Variants in LARP4 observed in about 807,000 individuals in gnomAD.
The protein encoded by LARP4 is La ribonucleoprotein 4.
LARP4 carries 29 observed loss-of-function variants against 92.9 expected under a neutral mutation model. The ratio of observed to expected loss-of-function variants is 0.31; its 90% CI spans 0.23 to 0.43. The LOEUF (loss-of-function observed/expected upper bound fraction) is 0.43. Among genes scored for constraint, LARP4 ranks in the 20% least tolerant of loss-of-function variants. The probability of loss-of-function intolerance (pLI) is 1.00; values close to 1 mark genes in which losing one functional copy is unlikely to be tolerated. For synonymous variants in LARP4, 279 were observed against 284.1 expected (o/e 0.98, Z 0.18); for missense variants, 732 against 860.0 (o/e 0.85, Z 1.86).
intron 1 of LARP4, among the ~76,000 whole-genome samples, chr12:50,408,746 G>A (rs368265891): frequency 6.6e-6 from 1 of 152,164 alleles, no homozygotes; most frequent in South Asian, 2.1e-4. Flanking sequence ...ATTTTCAGAA[G>A]AGATTAGAGG....
chr12:50,461,027 T>G (rs1027509386), intron 10 of LARP4, 108 bp from the exon 11 acceptor site: 8 of 783,398 alleles, frequency 1.0e-5, no homozygotes, highest in Non-Finnish European at 1.7e-5. Flanking sequence ...GTGTTTAACT[T>G]AATTTTTTGA....
At chr12:50,460,954 G>A (rs1593352693) in intron 10 of LARP4, among the ~76,000 whole-genome samples, 181 bp from the exon 11 acceptor site, 2 of 152,162 alleles carry the variant, frequency 1.3e-5, no homozygotes, top group South Asian at 2.1e-4. Flanking sequence ...AAAAGTTTAC[G>A]TCACTTTTTA....
chr12:50,441,359 A>G, intron 7 of LARP4: 1 of 356,368 alleles, frequency 2.8e-6, no homozygotes, highest in Non-Finnish European at 5.2e-6. Flanking sequence ...TCTGTTTTCA[A>G]TCCTAATGCA....
At position 50,462,600 on chromosome 12, in the gene LARP4, T is replaced by A. The variant is rs1593371812; in HGVS notation, c.1353T>A (p.Gly451=). The part of the protein sequence containing the change: ...YGRGRRTLFR[G]RRRREDDRIS... ...TTAAAAGGAGAACTCTCTTCAGAGG[T>A]CGAAGACGACGAGAAGATGACAGGA... The change falls in exon 12 of 16, where the codon GGT becomes GGA. Residue 451 remains glycine (G), a synonymous_variant. Coordinates refer to ENST00000398473, the MANE Select transcript of LARP4 (RefSeq NM_052879.5). The A allele has an allele frequency of 7.0e-7, 1 of 1,421,364 alleles. No individual in the cohort carries two copies. The highest frequency in any genetic ancestry group is 1.7e-5 in the African/African-American group (1 of 58,624). The allele number at this position is 1,421,364 out of a possible 1,614,324, so 88.0% of individuals were successfully genotyped here.
rs748044294 is a variant in LARP4, at chr12:50,430,608, A to T, written c.398+38A>T. ...CCCCTTTATTGAATTTTATTAGTAG[A>T]TGTAAAATACGTGTGAAATAGAGCG... On this transcript the variant is annotated intron_variant, in intron 4 of 15. Transcript: ENST00000398473. 9 of 1,234,702 alleles carry T rather than the reference A, an allele frequency of 7.3e-6. 1 individual carries two copies. In the African/African-American group the frequency reaches 7.5e-5, roughly 10 times the overall value. The allele number at this position is 1,234,702 out of a possible 1,614,324, so 76.5% of individuals were successfully genotyped here.
intron 3 of LARP4, among the ~76,000 whole-genome samples, chr12:50,430,152 G>A (rs111482974): frequency 0.075 from 1,964 of 26,164 alleles, 45 homozygotes; most frequent in South Asian, 0.098. Context: ...GAGCCCAGGA[G>A]TTTGAGAACA....
intron 10 of LARP4, among the ~76,000 whole-genome samples, chr12:50,457,137 C>T (rs781284955): frequency 2.0e-5 from 3 of 150,530 alleles, no homozygotes; most frequent in East Asian, 2.0e-4. Context: ...CTCTTGACCT[C>T]GTGATCCACC....
intron 1 of LARP4, among the ~76,000 whole-genome samples, chr12:50,411,079 AT>A (rs1455635779): frequency 6.6e-6 from 1 of 152,114 alleles, no homozygotes; most frequent in Non-Finnish European, 1.5e-5. Flanking sequence ...TCAAAGTGTT[AT>A]CCGTAGATAG....
chr12:50,422,612 CTTTA>C (rs936398848), intron 1 of LARP4, among the ~76,000 whole-genome samples: 7 of 151,580 alleles, frequency 4.6e-5, no homozygotes, highest in Admixed American at 2.0e-4. Flanking sequence ...CTGTGTAATA[CTTTA>C]TTTAGTAAGT....
At chr12:50,440,173 G>A (rs909256290) in intron 6 of LARP4, among the ~76,000 whole-genome samples, 8 of 151,620 alleles carry the variant, frequency 5.3e-5, no homozygotes, top group South Asian at 2.1e-4. Context: ...GGAGTGGCTC[G>A]TGCCTGTAAT....
chr12:50,460,848 CAGG>C (rs1253035829), intron 10 of LARP4, among the ~76,000 whole-genome samples: 2 of 152,094 alleles, frequency 1.3e-5, no homozygotes, highest in African/African-American at 4.8e-5. Context: ...GAGGCTGAGG[CAGG>C]AGAATGGCGT....
chr12:50,423,507 G>A (rs1158454526), intron 1 of LARP4, among the ~76,000 whole-genome samples: 1 of 152,104 alleles, frequency 6.6e-6, no homozygotes, highest in Non-Finnish European at 1.5e-5. Flanking sequence ...GGAGTGCAGT[G>A]GCGTAATCTC....
intron 4 of LARP4, among the ~76,000 whole-genome samples, 172 bp from the exon 5 acceptor site, chr12:50,435,315 CT>C (rs1224561025): frequency 6.6e-6 from 1 of 152,150 alleles, no homozygotes; most frequent in Non-Finnish European, 1.5e-5. Flanking sequence ...ACATTAGTAT[CT>C]TTTGAATTGA....
chr12:50,427,708 T>C, intron 1 of LARP4, 54 bp from the exon 2 acceptor site: 6 of 1,234,676 alleles, frequency 4.9e-6, no homozygotes, highest in Non-Finnish European at 6.6e-6. Flanking sequence ...TCTGAATCTG[T>C]AATTTTCATG....
At chr12:50,448,263 C>T (rs949574675) in intron 8 of LARP4, among the ~76,000 whole-genome samples, 1 of 152,114 alleles carries the variant, frequency 6.6e-6, no homozygotes. Context: ...CCCATCTTAA[C>T]TGTTCTTAAG....
rs564253943 is a variant in LARP4, at chr12:50,455,839, G to T, written c.1121+1422G>T. Among the ~76,000 whole-genome samples the T allele has an allele frequency of 7.9e-5, 12 of 152,226 alleles. 1 individual carries two copies. The highest frequency in any genetic ancestry group is 7.9e-4 in the Admixed American group (12 of 15,278). On this transcript the variant is annotated intron_variant, in intron 10 of 15. Coordinates refer to ENST00000398473, the MANE Select transcript of LARP4 (RefSeq NM_052879.5). Reference sequence around the variant, plus strand: ...AGGTGGGTGGATCATCTGAGCTCAGGAGTTCAAGAGCAGCCTGGGCAATAT... The same window carrying T: ...AGGTGGGTGGATCATCTGAGCTCAGTAGTTCAAGAGCAGCCTGGGCAATAT...
chr12:50,438,104 C>T (rs1950690848), intron 6 of LARP4, among the ~76,000 whole-genome samples: 1 of 152,114 alleles, frequency 6.6e-6, no homozygotes, highest in Admixed American at 6.6e-5. Context: ...TCTGAATTTA[C>T]TAGATTGATT....
chr12:50,419,360 G>A (rs1947359877), intron 1 of LARP4, among the ~76,000 whole-genome samples: 1 of 152,036 alleles, frequency 6.6e-6, no homozygotes, highest in South Asian at 2.1e-4. Flanking sequence ...GTGAGACCCT[G>A]TCTCAAAACA....
intron 10 of LARP4, among the ~76,000 whole-genome samples, chr12:50,456,080 C>T (rs1226229665): frequency 1.3e-5 from 2 of 152,016 alleles, no homozygotes; most frequent in South Asian, 2.1e-4. Context: ...CACCCCTCCC[C>T]GCTCCCCCCT....
Sources: gnomAD v4.1 joint callset for allele counts (sites outside exome capture counted in the v4.1 genomes callset) on GRCh38, gnomAD v4.1.1 for gene constraint, MANE v1.5 for transcripts, NCBI Gene and HGNC (gene_info 2026-07-23, HGNC 2026-07-21) for gene names.